The following IPP variants were observed in gnomAD, a reference collection of about 807,000 sequenced individuals.
IPP encodes the protein actin-binding protein IPP.
In IPP, 41 loss-of-function variants were observed where a neutral mutation model predicts 64.1. The observed-to-expected ratio is 0.64, with a 90% confidence interval of 0.50 to 0.83. The LOEUF (loss-of-function observed/expected upper bound fraction) is 0.83, where lower values mean the gene tolerates loss of function less well. Ranked by LOEUF, IPP falls within the 40% of genes least tolerant of loss-of-function variation. The pLI is 0.00. For synonymous variants in IPP, 214 were observed against 235.2 expected, an observed-to-expected ratio of 0.91 and a Z score of 0.83; for missense variants, 649 against 703.0, an observed-to-expected ratio of 0.92 and a Z score of 0.87.
Position 45,706,454 on chromosome 1 carries a change from A to AT in IPP, c.1531-6265dup, listed in dbSNP as rs796162586. ...CATCTCTGAAAAAAATTTTTTAATA[A>AT]TTTTTTTTTTCCAAGATGGAGTTTC... On this transcript the variant is annotated intron_variant, in intron 8 of 8. Coordinates refer to ENST00000396478, the MANE Select transcript of IPP (RefSeq NM_005897.3). 1.5e-4 allele frequency among the ~76,000 whole-genome samples: 23 copies of AT among 150,628 alleles called. No homozygotes were observed. In the East Asian group the frequency reaches 3.3e-3, roughly 22 times the overall value.
rs188228639 is a variant in IPP at position 45,739,261 on chromosome 1, A to G, written c.724+1640T>C. 7.8e-4 allele frequency among the ~76,000 whole-genome samples: 118 copies of G among 152,218 alleles called. 3 individuals carry two copies. The South Asian group carries it at 0.022, about 28-fold the overall frequency. ...ACAAGAGTAAAAACTTCAAATCTCAAAACCAGGTCTAAAGTAGGCTGGAGA... is the reference window on the plus strand; with the variant it reads ...ACAAGAGTAAAAACTTCAAATCTCAGAACCAGGTCTAAAGTAGGCTGGAGA... On this transcript the variant is annotated intron_variant, in intron 3 of 8. Coordinates refer to ENST00000396478, the MANE Select transcript of IPP (RefSeq NM_005897.3).
intron 2 of IPP, among the ~76,000 whole-genome samples, chr1:45,743,848 T>TG (rs1553194069): frequency 6.8e-6 from 1 of 146,754 alleles, no homozygotes; most frequent in Non-Finnish European, 1.5e-5. Context: ...CCGTCTCTAC[T>TG]AAAAAAAAAA....
chr1:45,712,395 G>A (rs1274547745), intron 8 of IPP, among the ~76,000 whole-genome samples: 10 of 151,190 alleles, frequency 6.6e-5, no homozygotes, highest in South Asian at 2.1e-4. Context: ...TGTACATGAC[G>A]TATTAATAAG....
At chr1:45,702,629 A>G (rs970917887) in intron 8 of IPP, among the ~76,000 whole-genome samples, 1 of 151,974 alleles carries the variant, frequency 6.6e-6, no homozygotes, top group Non-Finnish European at 1.5e-5. Flanking sequence ...TAATTTTTGT[A>G]TTTTTAGTAG....
chr1:45,717,046 C>G (rs1645669015), intron 6 of IPP, 29 bp from the exon 7 acceptor site: 1 of 1,606,704 alleles, frequency 6.2e-7, no homozygotes, highest in African/African-American at 1.3e-5. Context: ...ATGTTTGTTT[C>G]CGGGATAAAA....
At chr1:45,709,826 T>TA (rs151099023) in intron 8 of IPP, among the ~76,000 whole-genome samples, 89 of 6,674 alleles carry the variant, frequency 0.013, no homozygotes, top group Non-Finnish European at 0.018. Flanking sequence ...AGACTCTGTC[T>TA]AAAAAAAAAA....
At chr1:45,700,817 CAAAT>C (rs1171741286) in intron 8 of IPP, among the ~76,000 whole-genome samples, 1 of 152,000 alleles carries the variant, frequency 6.6e-6, no homozygotes, top group Non-Finnish European at 1.5e-5. Context: ...CAAAAATAAG[CAAAT>C]AAAAACAAAA....
chr1:45,712,853 C>CAA (rs1278794122), intron 8 of IPP, among the ~76,000 whole-genome samples: 1 of 77,538 alleles, frequency 1.3e-5, no homozygotes, highest in Non-Finnish European at 2.5e-5. Flanking sequence ...GACTCTATCT[C>CAA]AAAAAAAAAA....
chr1:45,713,332 G>A (rs1191834563), intron 8 of IPP, among the ~76,000 whole-genome samples: 2 of 152,042 alleles, frequency 1.3e-5, no homozygotes, highest in African/African-American at 2.4e-5. Context: ...AGGCTGAGGC[G>A]GGCGGATCAC....
At chr1:45,749,812 G>A (rs1240209038) in intron 1 of IPP, among the ~76,000 whole-genome samples, 1 of 151,976 alleles carries the variant, frequency 6.6e-6, no homozygotes, top group Non-Finnish European at 1.5e-5. Flanking sequence ...GAGCCACCGC[G>A]CCCGGCCAGG....
At position 45,714,349 on chromosome 1, in the gene IPP, G is replaced by A. The variant is rs760180998; in HGVS notation, c.1427C>T (p.Ala476Val). ...SPLPPMGTRRAYLGVAALNDC... is the reference protein window; with the variant it reads ...SPLPPMGTRRVYLGVAALNDC... Reference sequence around the variant, plus strand: ...ATTGAGTGCAGCCACACCAAGATATGCTCTCCTGGTTCCCATTGGAGGAAG... The same window carrying A: ...ATTGAGTGCAGCCACACCAAGATATACTCTCCTGGTTCCCATTGGAGGAAG... Residue 476 changes from alanine to valine, a missense_variant, in exon 8 of 9, where the codon GCA (alanine) becomes GTA (valine). Physicochemically the swap from Ala to Val is moderately conservative, Grantham distance 64. Coordinates refer to ENST00000396478, the MANE Select transcript of IPP (RefSeq NM_005897.3). 1.8e-5 allele frequency: 29 copies of A among 1,613,448 alleles called. No individual in the cohort carries two copies. The highest frequency in any genetic ancestry group is 2.5e-5 in the Non-Finnish European group (29 of 1,179,346).
At chr1:45,708,781 C>G (rs1291882074) in intron 8 of IPP, among the ~76,000 whole-genome samples, 3 of 151,380 alleles carry the variant, frequency 2.0e-5, no homozygotes, top group South Asian at 2.1e-4. Context: ...CCTGTAATCC[C>G]AGCACTTTGG....
chr1:45,748,684 A>G (rs761443428), intron 1 of IPP, among the ~76,000 whole-genome samples: 1 of 151,846 alleles, frequency 6.6e-6, no homozygotes, highest in Non-Finnish European at 1.5e-5. Flanking sequence ...CAACAACAAC[A>G]ACAAAAAGCA....
At position 45,727,709 on chromosome 1, in the gene IPP, T is replaced by C; in HGVS notation, c.970A>G (p.Thr324Ala). 2 of 1,602,622 alleles carry C rather than the reference T, an allele frequency of 1.2e-6. No individual in the cohort carries two copies. The highest frequency in any genetic ancestry group is 1.7e-6 in the Non-Finnish European group (2 of 1,171,578). Residue 324 changes from threonine (T) to alanine (A), a missense_variant, in exon 5 of 9, where the codon ACC becomes GCC. Thr to Ala is a moderately conservative substitution (Grantham distance 58). Transcript: ENST00000396478. ...ERFDTFSQYW[T>A]TVSSLHQARS... ...GCCTGATGAAGTGAAGACACAGTGG[T>C]CCAGTACTGGCTAAAGGTGTCAAAA... is the stretch of plus-strand genomic sequence containing the variant.
At chr1:45,704,589 G>A (rs1345313914) in intron 8 of IPP, among the ~76,000 whole-genome samples, 1 of 152,136 alleles carries the variant, frequency 6.6e-6, no homozygotes, top group African/African-American at 2.4e-5. Context: ...AAAGGGAGAA[G>A]GCCTGAAAAA....
intron 3 of IPP, among the ~76,000 whole-genome samples, chr1:45,732,361 C>CAAAAAAAAAAA (rs779442718): frequency 3.3e-5 from 2 of 59,758 alleles, no homozygotes; most frequent in African/African-American, 8.5e-5. Flanking sequence ...GACTCCACCT[C>CAAAAAAAAAAA]AAAAAAAAAA....
At chr1:45,747,424 C>T (rs1473650872) in intron 1 of IPP, among the ~76,000 whole-genome samples, 1 of 152,128 alleles carries the variant, frequency 6.6e-6, no homozygotes, top group Non-Finnish European at 1.5e-5. Context: ...GTTAGTATGA[C>T]AGTCTCAGTA....
chr1:45,711,520 A>G (rs1461940450), intron 8 of IPP, among the ~76,000 whole-genome samples: 2 of 151,932 alleles, frequency 1.3e-5, no homozygotes, highest in Admixed American at 6.6e-5. Context: ...TTGGGAGGCC[A>G]AGGTGGGCAG....
intron 8 of IPP, among the ~76,000 whole-genome samples, chr1:45,711,604 A>T (rs1384134892): frequency 2.0e-5 from 3 of 152,086 alleles, no homozygotes; most frequent in Non-Finnish European, 4.4e-5. Flanking sequence ...AAATACAAAA[A>T]GTAGCTGGGT....
Sources: allele counts gnomAD v4.1 joint callset (sites outside exome capture counted in the v4.1 genomes callset), GRCh38; gene constraint gnomAD v4.1.1; transcripts MANE v1.5; gene names NCBI Gene and HGNC (gene_info 2026-07-23, HGNC 2026-07-21).